CD82: variants seen among roughly 807,000 people sequenced by gnomAD.
The protein encoded by CD82 is CD82 antigen.
In CD82, 36 loss-of-function variants were observed where a neutral mutation model predicts 37.4. The ratio of observed to expected loss-of-function variants is 0.96; its 90% CI spans 0.74 to 1.27. CD82 has a LOEUF of 1.27. CD82 is among the 50% of genes most tolerant of loss of function. CD82 has a pLI of 0.00. For missense variants in CD82, 340 were observed against 347.0 expected (o/e 0.98, Z 0.16); for synonymous variants, 158 against 137.4 (o/e 1.15, Z -1.05).
chr11:44,567,073 C>A (rs1852746170), intron 1 of CD82, among the ~76,000 whole-genome samples: 1 of 152,164 alleles, frequency 6.6e-6, no homozygotes, highest in African/African-American at 2.4e-5. Context: ...TGAGGGCTCC[C>A]CCATCCCTAC....
intron 6 of CD82, among the ~76,000 whole-genome samples, chr11:44,612,623 A>ATTTTTTTTTTTTTTT (rs34301171): frequency 4.8e-5 from 3 of 63,042 alleles, no homozygotes; most frequent in African/African-American, 1.4e-4. Context: ...CCCAGCATTA[A>ATTTTTTTTTTTTTTT]TTTTTTTTTT....
At chr11:44,586,230 AG>A (rs1425876991) in intron 1 of CD82, among the ~76,000 whole-genome samples, 1 of 152,152 alleles carries the variant, frequency 6.6e-6, no homozygotes, top group Non-Finnish European at 1.5e-5. Flanking sequence ...CAGAACTCCT[AG>A]GGTAATTCCT....
chr11:44,602,873 C>T (rs887350412), intron 4 of CD82, among the ~76,000 whole-genome samples: 1 of 152,132 alleles, frequency 6.6e-6, no homozygotes, highest in African/African-American at 2.4e-5. Flanking sequence ...GAGTTGGGGT[C>T]TCAGCCCTGA....
chr11:44,593,240 GGAA>G (rs963982817), intron 2 of CD82, among the ~76,000 whole-genome samples: 10 of 152,222 alleles, frequency 6.6e-5, no homozygotes, highest in African/African-American at 2.2e-4. Flanking sequence ...TGGTGCTGGA[GGAA>G]GAAGGAGTGA....
intron 1 of CD82, among the ~76,000 whole-genome samples, chr11:44,575,413 T>C (rs1410249897): frequency 6.6e-6 from 1 of 152,158 alleles, no homozygotes; most frequent in African/African-American, 2.4e-5. Context: ...GGGGGAAAGT[T>C]TCTCCAGAGT....
chr11:44,605,213 C>T, intron 5 of CD82, 31 bp downstream of exon 5: 2 of 1,609,108 alleles, frequency 1.2e-6, no homozygotes, highest in Non-Finnish European at 1.7e-6. Context: ...AGCTGCCTGC[C>T]CATTTCCTCT....
Position 44,582,539 on chromosome 11 carries a change from GCAGC to G in CD82, c.-102-4935_-102-4932del, listed in dbSNP as rs551459683. Reference sequence around the variant, plus strand: ...GAACACTGAGGCTCAATGCAGGTAGGCAGCTTGCCAGAGGTCATGTGGATACTGA... The same window carrying G: ...GAACACTGAGGCTCAATGCAGGTAGGTTGCCAGAGGTCATGTGGATACTGA... On this transcript the variant is annotated intron_variant, in intron 1 of 9. Transcript: ENST00000227155. Among the ~76,000 whole-genome samples, 33 of 152,308 alleles carry G rather than the reference GCAGC, an allele frequency of 2.2e-4. 1 individual carries two copies. The South Asian group carries it at 6.6e-3, about 31-fold the overall frequency.
At chr11:44,612,768 G>A (rs1406420848) in intron 6 of CD82, among the ~76,000 whole-genome samples, 1 of 151,386 alleles carries the variant, frequency 6.6e-6, no homozygotes, top group African/African-American at 2.4e-5. Flanking sequence ...GAGTAGCTGG[G>A]ACTACAGGCA....
At chr11:44,577,823 A>C (rs1481307129) in intron 1 of CD82, among the ~76,000 whole-genome samples, 2 of 152,072 alleles carry the variant, frequency 1.3e-5, no homozygotes. Context: ...CACCTACCCC[A>C]ACCCGCTTGA....
rs149036100 is a variant in CD82 at position 44,581,157 on chromosome 11, G to A, written c.-102-6318G>A. 1.9e-3 allele frequency among the ~76,000 whole-genome samples: 292 copies of A among 152,306 alleles called. 1 individual carries two copies. Among genetic ancestry groups the A allele is most frequent in the African/African-American group, 6.4e-3 (265 of 41,558 alleles). ...TGGGCCCTAAAACCCAATTAATCTA[G>A]GCTGGGCCTTGGTGGGGTAATTTTC... On this transcript the variant is annotated intron_variant, in intron 1 of 9. Transcript: ENST00000227155.
At position 44,567,094 on chromosome 11, in the gene CD82, T is replaced by A. The variant is rs1852746511; in HGVS notation, c.-103+1358T>A. 2.0e-5 allele frequency among the ~76,000 whole-genome samples: 3 copies of A among 152,282 alleles called. No homozygotes were observed. In the South Asian group the frequency reaches 6.2e-4, roughly 32 times the overall value. On this transcript the variant is annotated intron_variant, in intron 1 of 9. Transcript: ENST00000227155. ...CTCCCCCATCCCTACCATGTCCCTG[T>A]AGAGAGGATCAGTCACACCCAGGGC...
chr11:44,571,684 C>T (rs1470094944), intron 1 of CD82, among the ~76,000 whole-genome samples: 4 of 152,074 alleles, frequency 2.6e-5, no homozygotes, highest in South Asian at 2.1e-4. Flanking sequence ...AAGTGATTCT[C>T]GTGTCTCAGC....
chr11:44,596,367 G>C (rs552787387), intron 3 of CD82, among the ~76,000 whole-genome samples: 1 of 152,390 alleles, frequency 6.6e-6, no homozygotes, highest in South Asian at 2.1e-4. Context: ...CTATCCCTGG[G>C]GGCTTTAGGG....
intron 1 of CD82, among the ~76,000 whole-genome samples, chr11:44,585,758 G>T (rs1265674723): frequency 6.6e-6 from 1 of 152,196 alleles, no homozygotes; most frequent in Admixed American, 6.5e-5. Flanking sequence ...GTAGAGAAAG[G>T]AGCTCCAGAC....
chr11:44,594,150 G>A (rs1024226152), intron 2 of CD82, among the ~76,000 whole-genome samples: 5 of 152,178 alleles, frequency 3.3e-5, no homozygotes, highest in African/African-American at 9.7e-5. Flanking sequence ...AAGCTGGGAC[G>A]CTCAGCCTAT....
intron 2 of CD82, 98 bp downstream of exon 2, chr11:44,587,654 T>C (rs1365093658): frequency 2.2e-6 from 1 of 447,066 alleles, no homozygotes; most frequent in African/African-American, 2.0e-5. Context: ...AGGTGTTCAG[T>C]CTGAGCCACC....
At chr11:44,608,070 T>C (rs757780625) in intron 6 of CD82, 5 of 152,274 alleles carry the variant, frequency 3.3e-5, no homozygotes, top group Non-Finnish European at 7.3e-5. Flanking sequence ...GAAGAAGTTC[T>C]GGTGCCACTG....
In CD82 at chr11:44,619,884, T is replaced by C. The variant is rs1385950482; in HGVS notation, c.*758T>C. 3 of 152,078 alleles carry C rather than the reference T, an allele frequency of 2.0e-5. No individual in the cohort carries two copies. Among genetic ancestry groups the C allele is most frequent in the Non-Finnish European group, 4.4e-5 (3 of 68,026 alleles). The allele number at this position is 152,078 out of a possible 1,614,324, so 9.4% of individuals were successfully genotyped here. The stretch of plus-strand genomic sequence containing the variant: ...TATTTCCCACTATGACATTTATATC[T>C]TTATTTTTCACAATTATATTGAAGG... On this transcript the variant is annotated 3_prime_UTR_variant, in exon 10 of 10. Transcript: ENST00000227155.
Position 44,618,736 on chromosome 11 carries a change from T to TC in CD82, c.726+18dup. ...GGCCATCATCGAGGTCTGAGCCCCC[T>TC]CCCCCATCCCTTCTCCATCCCAGGT... On this transcript the variant is annotated intron_variant, in intron 9 of 9. Coordinates refer to ENST00000227155, the MANE Select transcript of CD82 (RefSeq NM_002231.4). The TC allele has an allele frequency of 6.2e-7, 1 of 1,602,916 alleles. No homozygotes were observed.
Sources: gnomAD v4.1 joint callset for allele counts (sites outside exome capture counted in the v4.1 genomes callset) on GRCh38, gnomAD v4.1.1 for gene constraint, MANE v1.5 for transcripts, NCBI Gene and HGNC (gene_info 2026-07-23, HGNC 2026-07-21) for gene names.